The following IQGAP3 variants were observed in gnomAD, a reference collection of about 807,000 sequenced individuals.
The protein encoded by IQGAP3 is ras GTPase-activating-like protein IQGAP3.
IQGAP3 carries 165 observed loss-of-function variants against 208.2 expected under a neutral mutation model. The ratio of observed to expected loss-of-function variants is 0.79; its 90% CI spans 0.70 to 0.90. The LOEUF is 0.90. IQGAP3 is among the 40% of genes least tolerant of loss of function. The pLI is 0.00. For missense variants in IQGAP3, 1,811 were observed against 2,043.1 expected (o/e 0.89, Z 2.19); for synonymous variants, 703 against 803.6 (o/e 0.87, Z 2.12).
At chr1:156,571,056 C>T (rs1676624041) in intron 1 of IQGAP3, among the ~76,000 whole-genome samples, 1 of 152,190 alleles carries the variant, frequency 6.6e-6, no homozygotes, top group African/African-American at 2.4e-5. Flanking sequence ...TCTTCACTAT[C>T]CTTTTTGGTA....
chr1:156,544,510 G>A, intron 19 of IQGAP3, 38 bp from the exon 20 acceptor site: 1 of 1,552,506 alleles, frequency 6.4e-7, no homozygotes, highest in Admixed American at 1.7e-5. Flanking sequence ...ACTCAAGCAG[G>A]TCTCCTTTGG....
chr1:156,553,121 A>G (rs1371557992), intron 13 of IQGAP3, among the ~76,000 whole-genome samples: 1 of 152,006 alleles, frequency 6.6e-6, no homozygotes, highest in Non-Finnish European at 1.5e-5. Flanking sequence ...CCAGACCCTG[A>G]GCTGTGATTG....
At chr1:156,570,650 C>T (rs1316783361) in intron 1 of IQGAP3, among the ~76,000 whole-genome samples, 1 of 152,180 alleles carries the variant, frequency 6.6e-6, no homozygotes, top group African/African-American at 2.4e-5. Context: ...GCTGGGACCA[C>T]AGGTGCGCAC....
At chr1:156,529,905 T>G in intron 34 of IQGAP3, among the ~76,000 whole-genome samples, 200 bp downstream of exon 34, 4 of 113,126 alleles carry the variant, frequency 3.5e-5, no homozygotes, top group African/African-American at 1.2e-4. Context: ...TGGATGAGAG[T>G]GAGACTGTCT....
intron 32 of IQGAP3, 123 bp downstream of exon 32, chr1:156,532,857 A>G: frequency 1.0e-6 from 1 of 986,416 alleles, no homozygotes; most frequent in Non-Finnish European, 1.5e-6. Context: ...CTTCAGGGAG[A>G]ACTTCCTGAA....
At position 156,544,040 on chromosome 1, in the gene IQGAP3, A is replaced by G. The variant is rs769029892; in HGVS notation, c.2471T>C (p.Ile824Thr). 5.0e-6 allele frequency: 8 copies of G among 1,614,162 alleles called. 1 individual carries two copies. In the South Asian group the frequency reaches 5.5e-5, roughly 11 times the overall value. ...LHYFQKNVNS[I>T]VKIQAFFRAR... The stretch of plus-strand genomic sequence containing the variant: ...TCGGAAAAATGCCTGGATCTTCACA[A>G]TGGAGTTAACCTGCCACAAACACAG... Residue 824 changes from isoleucine to threonine, a missense_variant, in exon 22 of 38, where the codon ATT (isoleucine) becomes ACT (threonine). Transcript: ENST00000361170.
chr1:156,563,316 G>A lies in IQGAP3; in HGVS notation c.620-4C>T, dbSNP rs762772849. 39 of 1,584,794 alleles carry A rather than the reference G, an allele frequency of 2.5e-5. No homozygotes were observed. Among genetic ancestry groups the A allele is most frequent in the Non-Finnish European group, 3.3e-5 (38 of 1,161,324 alleles). ...ATGGCAAGAACAGCTGCATGGACTG[G>A]GAGAGGGCATGGAAACAAGGTCAGG... On this transcript the variant is annotated splice_region_variant and splice_polypyrimidine_tract_variant and intron_variant, in intron 7 of 37. Transcript: ENST00000361170.
At chr1:156,562,505 G>A (rs1676202140) in intron 9 of IQGAP3, 82 bp downstream of exon 9, 2 of 1,142,406 alleles carry the variant, frequency 1.8e-6, no homozygotes, top group East Asian at 2.3e-5. Context: ...TTTCTGGCTT[G>A]AGAAAAGCTA....
chr1:156,570,626 C>G (rs373639876), intron 1 of IQGAP3, among the ~76,000 whole-genome samples: 1 of 152,200 alleles, frequency 6.6e-6, no homozygotes, highest in African/African-American at 2.4e-5. Flanking sequence ...CCTCAGCCCC[C>G]CCACCACCAA....
rs755867999 is a variant in IQGAP3 at position 156,534,620 on chromosome 1, A to T, written c.3621T>A (p.His1207Gln). Residue 1207 changes from histidine to glutamine, a missense_variant, in exon 29 of 38, where the codon CAT becomes CAA. Coordinates refer to ENST00000361170, the MANE Select transcript of IQGAP3 (RefSeq NM_178229.5). ...AGGALAAPQR[H>Q]ALGAVAQLLQ... Reference sequence around the variant, plus strand: ...GGAGCTGAGCCACAGCCCCCAGGGCATGGCGCTGGGGGGCAGCCAGGGCTC... The same window carrying T: ...GGAGCTGAGCCACAGCCCCCAGGGCTTGGCGCTGGGGGGCAGCCAGGGCTC... The T allele has an allele frequency of 6.2e-7, 1 of 1,612,170 alleles. No homozygotes were observed. The highest frequency in any genetic ancestry group is 8.5e-7 in the Non-Finnish European group (1 of 1,179,564).
chr1:156,535,153 C>G lies in IQGAP3; in HGVS notation c.3507+10G>C. Reference sequence around the variant, plus strand: ...GGATTGGGAGGTGGGGGTGGGGAGACAACACTTGCCTTATAGACCTCGCTG... The same window carrying G: ...GGATTGGGAGGTGGGGGTGGGGAGAGAACACTTGCCTTATAGACCTCGCTG... On this transcript the variant is annotated intron_variant, in intron 28 of 37. Coordinates refer to ENST00000361170, the MANE Select transcript of IQGAP3 (RefSeq NM_178229.5). 1 of 1,606,356 alleles carries G rather than the reference C, an allele frequency of 6.2e-7. No individual in the cohort carries two copies. The highest frequency in any genetic ancestry group is 8.5e-7 in the Non-Finnish European group (1 of 1,173,152).
intron 15 of IQGAP3, among the ~76,000 whole-genome samples, 186 bp downstream of exon 15, chr1:156,551,519 T>C (rs1356472802): frequency 6.6e-6 from 1 of 152,142 alleles, no homozygotes; most frequent in Non-Finnish European, 1.5e-5. Flanking sequence ...CCTGTGCTTT[T>C]CCCATGGACT....
chr1:156,539,632 T>G (rs1674880294), intron 24 of IQGAP3, 95 bp from the exon 25 acceptor site: 1 of 1,377,596 alleles, frequency 7.3e-7, no homozygotes, highest in Non-Finnish European at 1.0e-6. Context: ...AAATCTGGAA[T>G]GGAGAAAGCA....
intron 32 of IQGAP3, 92 bp from the exon 33 acceptor site, chr1:156,531,339 G>A (rs987175102): frequency 7.7e-6 from 7 of 906,836 alleles, no homozygotes; most frequent in Admixed American, 3.5e-5. Flanking sequence ...TAAGTGGACC[G>A]TGCTCTATAG....
At chr1:156,566,904 T>G (rs1778822) in intron 2 of IQGAP3, among the ~76,000 whole-genome samples, 144,494 of 150,034 alleles carry the variant, frequency 0.96, 69,832 homozygotes, top group East Asian at 1. Flanking sequence ...CTCGCTCTTG[T>G]TGCCCAGGCT....
Position 156,528,074 on chromosome 1 carries a change from GA to G in IQGAP3, c.4674-15del. On this transcript the variant is annotated splice_polypyrimidine_tract_variant and intron_variant, in intron 36 of 37. Coordinates refer to ENST00000361170, the MANE Select transcript of IQGAP3 (RefSeq NM_178229.5). ...ACGTTTCTGAAGCTGTCAGGAACAG[GA>G]TTCAAAACAGGAACCCACTGCCTCT... 6.2e-7 allele frequency: 1 copy of G among 1,601,308 alleles called. No individual in the cohort carries two copies. Among genetic ancestry groups the G allele is most frequent in the Non-Finnish European group, 8.6e-7 (1 of 1,168,360 alleles).
intron 11 of IQGAP3, among the ~76,000 whole-genome samples, chr1:156,559,331 G>A (rs886723931): frequency 1.3e-5 from 2 of 152,192 alleles, no homozygotes; most frequent in Non-Finnish European, 2.9e-5. Context: ...AGGTGGAGCC[G>A]TTTGCTGCAA....
In IQGAP3 at chr1:156,534,079, T is replaced by A. The variant is rs1011415127; in HGVS notation, c.3803A>T (p.Tyr1268Phe). 2 of 1,613,944 alleles carry A rather than the reference T, an allele frequency of 1.2e-6. No homozygotes were observed. Among genetic ancestry groups the A allele is most frequent in the Non-Finnish European group, 1.7e-6 (2 of 1,180,032 alleles). Reference protein sequence around the residue: ...EPEERFAVDEYSDMVAVAKPM... With the variant: ...EPEERFAVDEFSDMVAVAKPM... ...TTTGGCCACAGCCACCATGTCTGAG[T>A]ACTCGTCCACTGCAAAACGCTCCTC... Residue 1268 changes from tyrosine to phenylalanine, a missense_variant, in exon 30 of 38, where the codon TAC becomes TTC. Transcript: ENST00000361170.
intron 13 of IQGAP3, 70 bp downstream of exon 13, chr1:156,554,165 C>G: frequency 1.3e-6 from 2 of 1,502,262 alleles, no homozygotes; most frequent in Non-Finnish European, 1.8e-6. Context: ...AAGTCTCCAA[C>G]AGAAGAGTGC....
Sources: gnomAD v4.1 joint callset for allele counts (sites outside exome capture counted in the v4.1 genomes callset) on GRCh38, gnomAD v4.1.1 for gene constraint, MANE v1.5 for transcripts, NCBI Gene and HGNC (gene_info 2026-07-23, HGNC 2026-07-21) for gene names.